NFIL3: variants seen among roughly 807,000 people sequenced by gnomAD.
The protein encoded by NFIL3 is nuclear factor, interleukin 3 regulated, also known as nuclear factor interleukin-3-regulated protein.
Under a neutral mutation model 10.0 loss-of-function variants are expected in NFIL3, and 5 were observed. The ratio of observed to expected loss-of-function variants is 0.50; its 90% CI spans 0.26 to 1.06. NFIL3 has a LOEUF of 1.06. Ranked by LOEUF, NFIL3 falls within the 50% of genes least tolerant of loss-of-function variation. NFIL3 has a pLI of 0.13. For synonymous variants in NFIL3, 202 were observed against 206.5 expected (o/e 0.98, Z 0.19); for missense variants, 436 against 547.6 (o/e 0.80, Z 2.03).
the NFIL3 span, among the ~76,000 whole-genome samples, chr9:91,481,615 T>G: frequency 6.6e-5 from 10 of 150,978 alleles, no homozygotes; most frequent in African/African-American, 2.4e-4. Context: ...ATCACCATAC[T>G]CTTTTCTAAT....
At chr9:91,478,192 G>C in the NFIL3 span, among the ~76,000 whole-genome samples, 3 of 152,036 alleles carry the variant, frequency 2.0e-5, no homozygotes, top group Non-Finnish European at 4.4e-5. Flanking sequence ...CTGAATGTTG[G>C]CCTATCTTGC....
chr9:91,473,355 G>C, the NFIL3 span, among the ~76,000 whole-genome samples: 1 of 152,210 alleles, frequency 6.6e-6, no homozygotes, highest in South Asian at 2.1e-4. Context: ...GCTGTGGTGG[G>C]CTCCACCCAC....
the NFIL3 span, among the ~76,000 whole-genome samples, chr9:91,474,219 C>A: frequency 6.6e-6 from 1 of 151,498 alleles, no homozygotes. Flanking sequence ...GGTTTTTCTT[C>A]TTTAATGTGT....
the NFIL3 span, among the ~76,000 whole-genome samples, chr9:91,452,306 A>G: frequency 2.0e-5 from 3 of 152,216 alleles, no homozygotes; most frequent in East Asian, 3.8e-4. Context: ...CTTTCTTTCT[A>G]TTGATTCCAG....
chr9:91,481,264 TA>T, the NFIL3 span, among the ~76,000 whole-genome samples: 2 of 152,290 alleles, frequency 1.3e-5, no homozygotes, highest in Middle Eastern at 3.4e-3. Flanking sequence ...TACACATAGA[TA>T]AAAAAATGGG....
At chr9:91,436,942 G>GT in the NFIL3 span, among the ~76,000 whole-genome samples, 1 of 152,318 alleles carries the variant, frequency 6.6e-6, no homozygotes, top group East Asian at 1.9e-4. Context: ...ACGTGCAAGG[G>GT]TTTTGGGGGA....
At chr9:91,444,046 A>C in the NFIL3 span, among the ~76,000 whole-genome samples, 35 of 152,278 alleles carry the variant, frequency 2.3e-4, no homozygotes, top group African/African-American at 8.4e-4. Context: ...TCTTTTCTTG[A>C]AAATTCCATG....
At chr9:91,461,374 G>A in the NFIL3 span, among the ~76,000 whole-genome samples, 2 of 152,182 alleles carry the variant, frequency 1.3e-5, no homozygotes, top group African/African-American at 2.4e-5. Flanking sequence ...AACAAGTTGT[G>A]TGTGTATGTG....
At chr9:91,468,477 T>C in the NFIL3 span, among the ~76,000 whole-genome samples, 1 of 152,110 alleles carries the variant, frequency 6.6e-6, no homozygotes, top group Admixed American at 6.6e-5. Flanking sequence ...TTTTCTCCCA[T>C]TCTGTAGGTT....
chr9:91,412,123 A>AC (rs369894894), intron 1 of NFIL3, among the ~76,000 whole-genome samples: 1 of 105,870 alleles, frequency 9.4e-6, no homozygotes, highest in Non-Finnish European at 1.9e-5. Flanking sequence ...AAAAAAAAAA[A>AC]CCCCACACAA....
At chr9:91,482,677 T>A in the NFIL3 span, among the ~76,000 whole-genome samples, 1 of 152,084 alleles carries the variant, frequency 6.6e-6, no homozygotes, top group African/African-American at 2.4e-5. Context: ...AATTTTTGTA[T>A]TTTTAGTGCA....
chr9:91,439,907 C>T, the NFIL3 span, among the ~76,000 whole-genome samples: 4 of 152,048 alleles, frequency 2.6e-5, no homozygotes, highest in Non-Finnish European at 5.9e-5. Flanking sequence ...TTGTTGAATT[C>T]GGTTTGATAA....
the NFIL3 span, among the ~76,000 whole-genome samples, chr9:91,466,694 G>C: frequency 2.0e-5 from 3 of 152,112 alleles, no homozygotes; most frequent in Non-Finnish European, 2.9e-5. Context: ...CCATACGCAG[G>C]ATAGTTCTAT....
At chr9:91,423,603 C>G (rs1403134922) in intron 1 of NFIL3, 37 bp downstream of exon 1, 1 of 146,808 alleles carries the variant, frequency 6.8e-6, no homozygotes, top group Non-Finnish European at 1.5e-5. Flanking sequence ...TGGGAGCGGT[C>G]GCCGGGCCCC....
At chr9:91,420,390 CAG>C (rs1491077233) in intron 1 of NFIL3, among the ~76,000 whole-genome samples, 1 of 147,750 alleles carries the variant, frequency 6.8e-6, no homozygotes, top group East Asian at 2.0e-4. Flanking sequence ...CACACACACA[CAG>C]ATTCTGGTTC....
At chr9:91,440,465 C>G in the NFIL3 span, among the ~76,000 whole-genome samples, 1 of 151,806 alleles carries the variant, frequency 6.6e-6, no homozygotes, top group Admixed American at 6.5e-5. Context: ...CTCAGTTTTA[C>G]CAATTTTTTT....
chr9:91,412,833 C>T (rs1587962833), intron 1 of NFIL3, among the ~76,000 whole-genome samples: 1 of 112,128 alleles, frequency 8.9e-6, no homozygotes. Context: ...GCCTGGGGGA[C>T]AAGAGCGAGA....
intron 1 of NFIL3, among the ~76,000 whole-genome samples, chr9:91,411,946 AC>A (rs1352083644): frequency 1.3e-5 from 2 of 151,848 alleles, no homozygotes; most frequent in African/African-American, 4.8e-5. Context: ...ACTAAAAAAT[AC>A]AAAAATTAGC....
the NFIL3 span, among the ~76,000 whole-genome samples, chr9:91,454,004 C>T: frequency 2.6e-5 from 4 of 151,482 alleles, no homozygotes; most frequent in East Asian, 5.8e-4. Context: ...GAGGCTGAGG[C>T]GGGGGATCAC....
Sources: gnomAD v4.1 joint callset for allele counts (sites outside exome capture counted in the v4.1 genomes callset) on GRCh38, gnomAD v4.1.1 for gene constraint, MANE v1.5 for transcripts, NCBI Gene and HGNC (gene_info 2026-07-23, HGNC 2026-07-21) for gene names.